The following ROR1 variants were observed in gnomAD, a reference collection of about 807,000 sequenced individuals.
The protein encoded by ROR1 is ROR family WNT receptor 1.
Under a neutral mutation model 78.8 loss-of-function variants are expected in ROR1, and 19 were observed. That is an observed-to-expected ratio of 0.24 (90% CI 0.17 to 0.35). The LOEUF (loss-of-function observed/expected upper bound fraction) is 0.35. Among genes scored for constraint, ROR1 ranks in the 10% least tolerant of loss-of-function variants. ROR1 has a pLI of 1.00. For missense variants in ROR1, 917 were observed against 1,177.8 expected (o/e 0.78, Z 3.24); for synonymous variants, 386 against 433.6 (o/e 0.89, Z 1.36).
rs529430680 is a variant in ROR1, at chr1:64,126,864, C to T, written c.483-10505C>T. 5.9e-5 allele frequency among the ~76,000 whole-genome samples: 9 copies of T among 152,228 alleles called. No individual in the cohort carries two copies. The South Asian group carries it at 1.9e-3, about 32-fold the overall frequency. On this transcript the variant is annotated intron_variant, in intron 4 of 8. Coordinates refer to ENST00000371079, the MANE Select transcript of ROR1 (RefSeq NM_005012.4). ...AGGGACCTTGAATCCAGCCAGGCTG[C>T]CTGGGAGGGATCTTTTTCTGTTCAT...
At chr1:64,127,317 A>G (rs1044475486) in intron 4 of ROR1, among the ~76,000 whole-genome samples, 1 of 152,130 alleles carries the variant, frequency 6.6e-6, no homozygotes, top group Non-Finnish European at 1.5e-5. Context: ...TAATCTCTGG[A>G]CCTAATTCTT....
intron 1 of ROR1, among the ~76,000 whole-genome samples, chr1:63,946,452 T>A (rs1645890317): frequency 6.6e-6 from 1 of 152,226 alleles, no homozygotes; most frequent in Non-Finnish European, 1.5e-5. Context: ...TGTATTCAAG[T>A]TAAAAAAATG....
At chr1:63,843,565 C>T (rs1472757477) in intron 1 of ROR1, 3 of 729,100 alleles carry the variant, frequency 4.1e-6, no homozygotes, top group African/African-American at 1.7e-5. Flanking sequence ...TTCTTGTCCT[C>T]ACTAAGGCAG....
In ROR1 at chr1:64,142,454, T is replaced by A; in HGVS notation, c.978T>A (p.Ser326Arg). Residue 326 changes from serine to arginine, a missense_variant, in exon 7 of 9, where the codon AGT becomes AGA. By Grantham distance (110) the Ser-to-Arg change is moderately radical. Coordinates refer to ENST00000371079, the MANE Select transcript of ROR1 (RefSeq NM_005012.4). ...GTGTGGACTACCGGGGGACCGTCAG[T>A]GTGACCAAATCAGGGCGCCAGTGCC... ...STGVDYRGTV[S>R]VTKSGRQCQP... 3 of 1,614,160 alleles carry A rather than the reference T, an allele frequency of 1.9e-6. No individual in the cohort carries two copies. Among genetic ancestry groups the A allele is most frequent in the Non-Finnish European group, 2.5e-6 (3 of 1,180,018 alleles).
intron 4 of ROR1, among the ~76,000 whole-genome samples, chr1:64,117,463 A>G (rs1045694165): frequency 1.3e-5 from 2 of 152,200 alleles, no homozygotes; most frequent in African/African-American, 4.8e-5. Flanking sequence ...CGGGGGAAGA[A>G]TGATAAAAAT....
At chr1:63,849,007 T>A (rs1645098173) in intron 1 of ROR1, among the ~76,000 whole-genome samples, 2 of 152,030 alleles carry the variant, frequency 1.3e-5, no homozygotes, top group Admixed American at 1.3e-4. Flanking sequence ...CATCCTGGGG[T>A]CTGTTATGGC....
intron 2 of ROR1, among the ~76,000 whole-genome samples, chr1:64,045,960 G>C (rs1646779703): frequency 6.6e-6 from 1 of 152,156 alleles, no homozygotes; most frequent in Admixed American, 6.5e-5. Context: ...ATCTTCCATA[G>C]CTCAAGCACA....
At chr1:63,989,881 C>G (rs531191337) in intron 1 of ROR1, among the ~76,000 whole-genome samples, 1 of 152,332 alleles carries the variant, frequency 6.6e-6, no homozygotes, top group East Asian at 1.9e-4. Flanking sequence ...ATCAGTTCAA[C>G]ACATTGAGCC....
chr1:64,157,219 C>T (rs554374049), intron 7 of ROR1, among the ~76,000 whole-genome samples: 1 of 152,254 alleles, frequency 6.6e-6, no homozygotes, highest in African/African-American at 2.4e-5. Flanking sequence ...CTCACTGCAG[C>T]CTCAACCTTC....
chr1:64,021,916 C>T (rs1314655202), intron 2 of ROR1, among the ~76,000 whole-genome samples: 1 of 151,994 alleles, frequency 6.6e-6, no homozygotes, highest in Non-Finnish European at 1.5e-5. Flanking sequence ...GAATTGAAAA[C>T]AGGTATTCAA....
intron 7 of ROR1, among the ~76,000 whole-genome samples, chr1:64,154,794 T>C (rs1245192371): frequency 6.6e-6 from 1 of 152,236 alleles, no homozygotes; most frequent in East Asian, 1.9e-4. Context: ...CATTTCACTT[T>C]TAAACAGTTA....
At chr1:64,117,308 G>A (rs939728583) in intron 4 of ROR1, among the ~76,000 whole-genome samples, 1 of 152,054 alleles carries the variant, frequency 6.6e-6, no homozygotes, top group African/African-American at 2.4e-5. Flanking sequence ...CTTCCTCTTA[G>A]CATGATTTTG....
At chr1:64,158,634 A>G (rs915694961) in intron 7 of ROR1, among the ~76,000 whole-genome samples, 3 of 152,198 alleles carry the variant, frequency 2.0e-5, no homozygotes, top group Non-Finnish European at 1.5e-5. Context: ...AGGCTCTTGG[A>G]TGTATACAGT....
At chr1:63,825,612 T>C (rs1248194513) in intron 1 of ROR1, among the ~76,000 whole-genome samples, 3 of 152,242 alleles carry the variant, frequency 2.0e-5, no homozygotes, top group African/African-American at 4.8e-5. Context: ...TGCACGACTG[T>C]ATATATTTAC....
chr1:64,099,541 T>C (rs1647436071), intron 4 of ROR1, among the ~76,000 whole-genome samples: 2 of 152,070 alleles, frequency 1.3e-5, no homozygotes, highest in South Asian at 2.1e-4. Context: ...ATGGAAACTA[T>C]AAAAGCAAAA....
chr1:63,947,881 T>C (rs1475187067), intron 1 of ROR1, among the ~76,000 whole-genome samples: 4 of 152,192 alleles, frequency 2.6e-5, no homozygotes, highest in African/African-American at 7.2e-5. Context: ...TCTGAAATCA[T>C]GCTGGTGAAC....
At chr1:64,089,916 A>G (rs1175238847) in intron 4 of ROR1, among the ~76,000 whole-genome samples, 3 of 152,108 alleles carry the variant, frequency 2.0e-5, no homozygotes, top group Admixed American at 1.3e-4. Flanking sequence ...GTCATAATGA[A>G]TAAGTCTCAT....
intron 1 of ROR1, among the ~76,000 whole-genome samples, chr1:63,822,010 G>C (rs1286831805): frequency 1.3e-5 from 2 of 152,212 alleles, no homozygotes; most frequent in Non-Finnish European, 2.9e-5. Context: ...ACATTTTCTT[G>C]TGATGATAAA....
chr1:63,903,077 C>T (rs1463396507), intron 1 of ROR1, among the ~76,000 whole-genome samples: 1 of 152,218 alleles, frequency 6.6e-6, no homozygotes, highest in African/African-American at 2.4e-5. Context: ...CCACCCTCAG[C>T]TGCCAGGGAG....
Sources: allele counts gnomAD v4.1 joint callset (sites outside exome capture counted in the v4.1 genomes callset), GRCh38; gene constraint gnomAD v4.1.1; transcripts MANE v1.5; gene names NCBI Gene and HGNC (gene_info 2026-07-23, HGNC 2026-07-21).